RANBP2: variants seen among roughly 807,000 people sequenced by gnomAD.
RANBP2 encodes E3 SUMO-protein ligase RanBP2.
In RANBP2, 57 loss-of-function variants were observed where a neutral mutation model predicts 303.6. The ratio of observed to expected loss-of-function variants is 0.19; its 90% CI spans 0.15 to 0.23. The LOEUF (loss-of-function observed/expected upper bound fraction) is 0.23, where lower values mean the gene tolerates loss of function less well. Among genes scored for constraint, RANBP2 ranks in the 10% least tolerant of loss-of-function variants. The pLI is 1.00. For missense variants in RANBP2, 3,138 were observed against 3,780.8 expected (o/e 0.83, Z 4.46); for synonymous variants, 1,167 against 1,301.5 (o/e 0.90, Z 2.23).
chr2:109,257,224 G>A, the RANBP2 span, among the ~76,000 whole-genome samples: 1 of 152,152 alleles, frequency 6.6e-6, no homozygotes, highest in Non-Finnish European at 1.5e-5. Context: ...GTCCTTCTTG[G>A]AGAGGCAGCA....
chr2:109,470,676 G>A, the RANBP2 span, among the ~76,000 whole-genome samples: 2 of 152,188 alleles, frequency 1.3e-5, no homozygotes, highest in Non-Finnish European at 2.9e-5. Flanking sequence ...TGCTGTGGCC[G>A]GGGCTGGTGG....
chr2:109,004,652 C>T, the RANBP2 span, among the ~76,000 whole-genome samples: 1 of 152,174 alleles, frequency 6.6e-6, no homozygotes, highest in Non-Finnish European at 1.5e-5. Flanking sequence ...CCTTTTCTCT[C>T]TCCACTCTCT....
At chr2:109,667,069 G>A in the RANBP2 span, 1 of 673,848 alleles carries the variant, frequency 1.5e-6, no homozygotes, top group Middle Eastern at 4.1e-4. Context: ...AGGTTTTGTG[G>A]GTTTCAAATA....
the RANBP2 span, chr2:108,923,350 A>C: frequency 6.2e-7 from 1 of 1,612,210 alleles, no homozygotes; most frequent in Non-Finnish European, 8.5e-7. Flanking sequence ...GTGCTGGTGG[A>C]AGGACAAAGA....
At position 108,753,469 on chromosome 2, in the gene RANBP2, T is replaced by G; in HGVS notation, c.1961T>G (p.Phe654Cys). The G allele has an allele frequency of 6.2e-7, 1 of 1,611,932 alleles. No homozygotes were observed. The highest frequency in any genetic ancestry group is 8.5e-7 in the Non-Finnish European group (1 of 1,179,816). Residue 654 changes from phenylalanine to cysteine, a missense_variant, in exon 14 of 29, where the codon TTT (phenylalanine) becomes TGT (cysteine). Physicochemically the swap from Phe to Cys is radical, Grantham distance 205. Transcript: ENST00000283195. ...VEYEEDAHIT[F>C]AILDAVNGNI... ...TATGAAGAAGACGCACACATAACTT[T>G]TGCTATATTGGATGCAGTAAATGGA...
downstream of RANBP2, chr2:108,786,768 G>C: frequency 6.7e-7 from 1 of 1,486,876 alleles, no homozygotes. Flanking sequence ...GCCGCGTAGC[G>C]CCGCGGGTTT....
chr2:109,099,116 G>C, the RANBP2 span, among the ~76,000 whole-genome samples: 3 of 152,170 alleles, frequency 2.0e-5, no homozygotes, highest in Non-Finnish European at 2.9e-5. Flanking sequence ...ATACCCAACG[G>C]GTTGGCTAAG....
At chr2:108,783,129 C>T (rs551417223) in intron 28 of RANBP2, among the ~76,000 whole-genome samples, 17 of 151,564 alleles carry the variant, frequency 1.1e-4, no homozygotes, top group African/African-American at 2.9e-4. Context: ...GCTTGAGCCC[C>T]GGAATTTGAG....
the RANBP2 span, chr2:109,794,769 G>C: frequency 4.0e-6 from 1 of 247,214 alleles, no homozygotes; most frequent in Middle Eastern, 1.9e-3. Flanking sequence ...GGACCGCGGC[G>C]GGCGGGAGAC....
At chr2:108,722,902 A>T (rs1694383735) in intron 1 of RANBP2, among the ~76,000 whole-genome samples, 1 of 152,104 alleles carries the variant, frequency 6.6e-6, no homozygotes. Flanking sequence ...AAAAAAGAAA[A>T]AAAGAAAAAA....
intron 1 of RANBP2, 70 bp downstream of exon 1, chr2:108,719,748 A>C (rs1489288297): frequency 2.6e-6 from 4 of 1,544,088 alleles, no homozygotes; most frequent in Non-Finnish European, 3.5e-6. Context: ...CTCAGGCGTC[A>C]TGGCTCCCGA....
the RANBP2 span, among the ~76,000 whole-genome samples, chr2:109,051,873 C>T: frequency 6.6e-6 from 1 of 152,050 alleles, no homozygotes. Flanking sequence ...CTCAGCATCC[C>T]GAGTAGCTGG....
At chr2:109,174,616 C>G in the RANBP2 span, among the ~76,000 whole-genome samples, 2 of 152,174 alleles carry the variant, frequency 1.3e-5, no homozygotes, top group Non-Finnish European at 2.9e-5. Context: ...TGGCTGAAGC[C>G]TTGCTATGTT....
the RANBP2 span, among the ~76,000 whole-genome samples, chr2:109,195,653 G>C: frequency 1.3e-5 from 2 of 152,300 alleles, no homozygotes; most frequent in East Asian, 1.9e-4. Flanking sequence ...CTCTGACCGT[G>C]TGCCAGAGAG....
rs772587118 is a variant in RANBP2 at position 108,755,159 on chromosome 2, T to C, written c.2383-17T>C. 27 of 1,611,764 alleles carry C rather than the reference T, an allele frequency of 1.7e-5. No homozygotes were observed. In the South Asian group the frequency reaches 2.6e-4, roughly 16 times the overall value. ...AAGTGTTTTAAATGCTGTTTTGTTATTTTTATTTTTTTTTAGTATTCTCCC... is the reference window on the plus strand; with the variant it reads ...AAGTGTTTTAAATGCTGTTTTGTTACTTTTATTTTTTTTTAGTATTCTCCC... On this transcript the variant is annotated splice_polypyrimidine_tract_variant and intron_variant, in intron 16 of 28. Transcript: ENST00000283195.
the RANBP2 span, chr2:109,552,515 T>C: frequency 2.0e-5 from 3 of 152,306 alleles, no homozygotes; most frequent in Non-Finnish European, 2.9e-5. Flanking sequence ...AAATTCTCTT[T>C]GGTCTCAGTC....
chr2:109,610,010 T>C, the RANBP2 span, among the ~76,000 whole-genome samples: 1 of 151,802 alleles, frequency 6.6e-6, no homozygotes, highest in East Asian at 1.9e-4. Context: ...ATGGTGGAGA[T>C]AATGGCAGGG....
In RANBP2 at chr2:108,771,610, A is replaced by G; in HGVS notation, c.7850-91A>G. On this transcript the variant is annotated intron_variant, in intron 20 of 28. Transcript: ENST00000283195. ...TTATCAGTATGCTGTTTTAACCTATAGATAGGTTCCATGGTTTTTATTTTC... is the reference window on the plus strand; with the variant it reads ...TTATCAGTATGCTGTTTTAACCTATGGATAGGTTCCATGGTTTTTATTTTC... 8.9e-6 allele frequency: 14 copies of G among 1,574,236 alleles called. No individual in the cohort carries two copies. In the South Asian group the frequency reaches 1.6e-4, roughly 18 times the overall value.
chr2:109,376,847 C>T, the RANBP2 span, among the ~76,000 whole-genome samples: 3 of 152,172 alleles, frequency 2.0e-5, no homozygotes, highest in East Asian at 1.9e-4. Flanking sequence ...CAGTAAAGGG[C>T]GGGGAGGAAG....
Sources: allele counts gnomAD v4.1 joint callset (sites outside exome capture counted in the v4.1 genomes callset), GRCh38; gene constraint gnomAD v4.1.1; transcripts MANE v1.5; gene names NCBI Gene and HGNC (gene_info 2026-07-23, HGNC 2026-07-21).